Variants in CTNNA2 observed in about 807,000 individuals in gnomAD.
The protein encoded by CTNNA2 is catenin alpha-2.
In CTNNA2, 42 loss-of-function variants were observed where a neutral mutation model predicts 101.0. The ratio of observed to expected loss-of-function variants is 0.42; its 90% CI spans 0.32 to 0.54. The LOEUF is 0.54. Ranked by LOEUF, CTNNA2 falls within the 20% of genes least tolerant of loss-of-function variation. The pLI is 0.14. For missense variants in CTNNA2, 871 were observed against 1,223.1 expected (o/e 0.71, Z 4.29); for synonymous variants, 450 against 456.4 (o/e 0.99, Z 0.18).
chr2:80,504,513 G>T (rs764346400), intron 9 of CTNNA2, among the ~76,000 whole-genome samples: 16 of 152,134 alleles, frequency 1.1e-4, no homozygotes, highest in Non-Finnish European at 2.2e-4. Flanking sequence ...ATTATACAGG[G>T]AATGTACACC....
intron 7 of CTNNA2, among the ~76,000 whole-genome samples, chr2:80,021,960 TAGTGA>T (rs1353265549): frequency 2.6e-5 from 4 of 152,220 alleles, no homozygotes; most frequent in Admixed American, 6.5e-5. Context: ...CAGTTTACAA[TAGTGA>T]ACAAAATATT....
intron 11 of CTNNA2, among the ~76,000 whole-genome samples, chr2:80,547,446 ACT>A (rs1179270926): frequency 2.0e-5 from 3 of 151,910 alleles, no homozygotes; most frequent in Non-Finnish European, 2.9e-5. Context: ...CTTTTCAGAA[ACT>A]CTATAATTCT....
intron 7 of CTNNA2, among the ~76,000 whole-genome samples, chr2:79,922,975 G>T (rs1686776552): frequency 6.6e-6 from 1 of 151,984 alleles, no homozygotes; most frequent in Non-Finnish European, 1.5e-5. Flanking sequence ...TCCCTAATGT[G>T]TATATTTTGA....
chr2:80,233,091 G>C (rs779718173), intron 7 of CTNNA2, among the ~76,000 whole-genome samples: 20 of 152,230 alleles, frequency 1.3e-4, no homozygotes, highest in Admixed American at 4.6e-4. Flanking sequence ...TGACATCCTT[G>C]ATGGATTATG....
chr2:80,447,770 C>G (rs1166253340), intron 9 of CTNNA2, among the ~76,000 whole-genome samples: 1 of 151,678 alleles, frequency 6.6e-6, no homozygotes, highest in Non-Finnish European at 1.5e-5. Context: ...TGGGAATTTT[C>G]TTTAGTTCAC....
chr2:79,599,657 CTG>C (rs1677423403), intron 1 of CTNNA2, among the ~76,000 whole-genome samples: 1 of 152,210 alleles, frequency 6.6e-6, no homozygotes, highest in Non-Finnish European at 1.5e-5. Flanking sequence ...GGAATGAAAA[CTG>C]TACCTGGAAG....
chr2:80,229,257 G>T (rs546314136), intron 7 of CTNNA2, among the ~76,000 whole-genome samples: 26 of 152,116 alleles, frequency 1.7e-4, no homozygotes, highest in Middle Eastern at 3.4e-3. Flanking sequence ...CTCAATTCTG[G>T]TGCTAGCTAA....
At chr2:79,401,554 A>T (rs1027074178) in intron 4 of CTNNA2, among the ~76,000 whole-genome samples, 29 of 151,682 alleles carry the variant, frequency 1.9e-4, no homozygotes, top group African/African-American at 6.3e-4. Context: ...ATTGCTTTAA[A>T]TTAGATGTTA....
intron 9 of CTNNA2, among the ~76,000 whole-genome samples, chr2:80,426,680 C>G (rs760702083): frequency 6.6e-6 from 1 of 152,066 alleles, no homozygotes; most frequent in South Asian, 2.1e-4. Flanking sequence ...AAGAAGCTTA[C>G]GTGGCTTTCA....
At chr2:80,526,156 A>G (rs1308592767) in intron 9 of CTNNA2, among the ~76,000 whole-genome samples, 2 of 152,140 alleles carry the variant, frequency 1.3e-5, no homozygotes, top group Admixed American at 1.3e-4. Flanking sequence ...TTACTCTGGT[A>G]TGACCTCAGT....
intron 1 of CTNNA2, 93 bp downstream of exon 1, chr2:79,513,300 C>G (rs1671628091): frequency 6.8e-6 from 1 of 147,228 alleles, no homozygotes; most frequent in East Asian, 2.1e-4. Flanking sequence ...TCCCCGCTCC[C>G]CAACCCTCCC....
At chr2:79,581,701 A>G (rs1676157687) in intron 1 of CTNNA2, among the ~76,000 whole-genome samples, 1 of 152,188 alleles carries the variant, frequency 6.6e-6, no homozygotes, top group African/African-American at 2.4e-5. Flanking sequence ...AGGCCTAGAG[A>G]AAAATAGATT....
rs185457701 is a variant in CTNNA2, at chr2:80,079,981, C to T, written c.1056+170184C>T. On this transcript the variant is annotated intron_variant, in intron 7 of 18. Transcript: ENST00000402739. ...CCTAAAGTTTAAGATGATCCATCTG[C>T]GTTGTAGAATCAGGATTTGATTAAA... is the stretch of plus-strand genomic sequence containing the variant. Among the ~76,000 whole-genome samples, 16 of 152,022 alleles carry T rather than the reference C, an allele frequency of 1.1e-4. No homozygotes were observed. The East Asian group carries it at 1.4e-3, about 13-fold the overall frequency.
chr2:79,219,069 G>A (rs1396470455), intron 2 of CTNNA2, among the ~76,000 whole-genome samples: 1 of 152,046 alleles, frequency 6.6e-6, no homozygotes, highest in Non-Finnish European at 1.5e-5. Context: ...TTTCATATTT[G>A]TATTTATACA....
chr2:79,565,302 G>A (rs920665523), intron 1 of CTNNA2, among the ~76,000 whole-genome samples: 2 of 151,866 alleles, frequency 1.3e-5, no homozygotes, highest in Admixed American at 1.3e-4. Flanking sequence ...CCTCCTAGCT[G>A]GTTTCCCACC....
chr2:79,419,041 A>G (rs1432705243), intron 4 of CTNNA2, among the ~76,000 whole-genome samples: 2 of 141,094 alleles, frequency 1.4e-5, no homozygotes, highest in Admixed American at 1.5e-4. Flanking sequence ...TTGGAGCAGG[A>G]AGGTAAACTA....
chr2:80,642,396 T>C (rs1206800543), intron 18 of CTNNA2, among the ~76,000 whole-genome samples: 1 of 152,166 alleles, frequency 6.6e-6, no homozygotes, highest in Non-Finnish European at 1.5e-5. Flanking sequence ...ATTTTTCTCA[T>C]TGTATTGTGA....
intron 9 of CTNNA2, among the ~76,000 whole-genome samples, chr2:80,431,060 G>T (rs754684449): frequency 6.6e-6 from 1 of 152,114 alleles, no homozygotes; most frequent in Admixed American, 6.6e-5. Flanking sequence ...AAAATTCTTC[G>T]ATGTTAGAAG....
chr2:79,869,721 G>A, intron 4 of CTNNA2, 95 bp from the exon 5 acceptor site: 1 of 1,492,762 alleles, frequency 6.7e-7, no homozygotes, highest in Non-Finnish European at 8.9e-7. Flanking sequence ...ACATACTAGT[G>A]TTTTAGAGTT....
Sources: allele counts gnomAD v4.1 joint callset (sites outside exome capture counted in the v4.1 genomes callset), GRCh38; gene constraint gnomAD v4.1.1; transcripts MANE v1.5; gene names NCBI Gene and HGNC (gene_info 2026-07-23, HGNC 2026-07-21).